Variants in DDAH1 observed in about 807,000 individuals in gnomAD.
The protein encoded by DDAH1 is dimethylarginine dimethylaminohydrolase 1.
Under a neutral mutation model 28.8 loss-of-function variants are expected in DDAH1, and 19 were observed. The ratio of observed to expected loss-of-function variants is 0.66; its 90% CI spans 0.46 to 0.97. The LOEUF is 0.97. DDAH1 is among the 50% of genes least tolerant of loss of function. DDAH1 has a pLI of 0.00. For synonymous variants in DDAH1, 153 were observed against 154.4 expected, an observed-to-expected ratio of 0.99 and a Z score of 0.07; for missense variants, 326 against 375.9, an observed-to-expected ratio of 0.87 and a Z score of 1.10.
chr1:85,464,179 T>C lies in DDAH1; in HGVS notation c.303+564A>G, dbSNP rs531862521. ...AACAAAACACTTTTCCTTCCATTCATTCACTTACTAGTCCCGTTCTTTGGG... is the reference window on the plus strand; with the variant it reads ...AACAAAACACTTTTCCTTCCATTCACTCACTTACTAGTCCCGTTCTTTGGG... On this transcript the variant is annotated intron_variant, in intron 1 of 5. Transcript: ENST00000284031. The surrounding 1 kb of genome is among the most constrained non-coding windows in gnomAD (Gnocchi z 4.4). Among the ~76,000 whole-genome samples, 2 of 152,298 alleles carry C rather than the reference T, an allele frequency of 1.3e-5. No individual in the cohort carries two copies. The highest frequency in any genetic ancestry group is 1.3e-4 in the Admixed American group (2 of 15,300).
intron 2 of DDAH1, among the ~76,000 whole-genome samples, chr1:85,470,686 T>A (rs1259712342): frequency 3.3e-5 from 5 of 152,184 alleles, no homozygotes; most frequent in Non-Finnish European, 7.4e-5. Flanking sequence ...GATTGCCTGT[T>A]ATATCCAAAG....
chr1:85,358,867 T>G lies in DDAH1; in HGVS notation c.304-20A>C, dbSNP rs759737603. 24 of 1,532,120 alleles carry G rather than the reference T, an allele frequency of 1.6e-5. No individual in the cohort carries two copies. In the East Asian group the frequency reaches 5.4e-4, roughly 34 times the overall value. 94.9% of individuals were successfully genotyped at this position (1,532,120 alleles called of 1,614,324 possible). A position where few individuals can be genotyped will look rare whatever the true frequency, so the allele number is the denominator to read the frequency against. On this transcript the variant is annotated intron_variant, in intron 1 of 5. Transcript: ENST00000284031. Reference sequence around the variant, plus strand: ...GTCAACCTGTTGAAAATAAAATGATTCAGATTACTATGCTACAATTTCCTA... The same window carrying G: ...GTCAACCTGTTGAAAATAAAATGATGCAGATTACTATGCTACAATTTCCTA...
At chr1:85,359,883 G>A (rs1335369066) in intron 1 of DDAH1, among the ~76,000 whole-genome samples, 1 of 152,200 alleles carries the variant, frequency 6.6e-6, no homozygotes. Context: ...AGAAATGAAT[G>A]TGAAGCATAA....
chr1:85,455,433 A>C (rs1214348581), intron 1 of DDAH1, among the ~76,000 whole-genome samples: 1 of 152,164 alleles, frequency 6.6e-6, no homozygotes, highest in Non-Finnish European at 1.5e-5. Flanking sequence ...TTAAGTAGGT[A>C]TCTTTTTCTT....
intron 1 of DDAH1, among the ~76,000 whole-genome samples, chr1:85,574,312 CA>C (rs1288821519): frequency 1.3e-5 from 2 of 151,282 alleles, no homozygotes; most frequent in African/African-American, 4.9e-5. Context: ...ATCTTATAGA[CA>C]AGGAAACCTA....
intron 1 of DDAH1, among the ~76,000 whole-genome samples, chr1:85,440,948 C>A (rs946028401): frequency 1.3e-5 from 2 of 152,180 alleles, no homozygotes; most frequent in African/African-American, 4.8e-5. Flanking sequence ...AGGGCAAGTA[C>A]AAAACTCACA....
chr1:85,571,870 A>C (rs1659466420), intron 1 of DDAH1, among the ~76,000 whole-genome samples: 2 of 141,840 alleles, frequency 1.4e-5, no homozygotes, highest in Admixed American at 1.5e-4. Flanking sequence ...TCAGAGAAGC[A>C]CCTGGCACTA....
At chr1:85,397,990 CT>C (rs11296270) in intron 1 of DDAH1, among the ~76,000 whole-genome samples, 69,114 of 144,998 alleles carry the variant, frequency 0.48, 15,923 homozygotes, top group Admixed American at 0.54. Flanking sequence ...AAATAAACCT[CT>C]TTTTTTTTTT....
intron 4 of DDAH1, among the ~76,000 whole-genome samples, chr1:85,330,080 G>T (rs1647667805): frequency 6.6e-6 from 1 of 152,192 alleles, no homozygotes; most frequent in Admixed American, 6.5e-5. Flanking sequence ...CCATTTATTT[G>T]TAGCTGGGTT....
intron 1 of DDAH1, among the ~76,000 whole-genome samples, chr1:85,499,551 T>A (rs1357827398): frequency 6.6e-6 from 1 of 152,066 alleles, no homozygotes; most frequent in Non-Finnish European, 1.5e-5. Flanking sequence ...GGCACATGCC[T>A]GTAATCCCAC....
chr1:85,468,998 A>G (rs1481619443), upstream of DDAH1, among the ~76,000 whole-genome samples: 1 of 152,194 alleles, frequency 6.6e-6, no homozygotes, highest in East Asian at 1.9e-4. Context: ...GTCAAACCAT[A>G]TCACTCACCT....
chr1:85,532,055 T>G (rs1483509519), intron 1 of DDAH1, among the ~76,000 whole-genome samples: 1 of 151,444 alleles, frequency 6.6e-6, no homozygotes, highest in Non-Finnish European at 1.5e-5. Flanking sequence ...GAATGCAATT[T>G]GGGAATCACC....
intron 2 of DDAH1, among the ~76,000 whole-genome samples, chr1:85,476,479 C>G (rs1655809485): frequency 6.6e-6 from 1 of 152,044 alleles, no homozygotes; most frequent in African/African-American, 2.4e-5. Flanking sequence ...TGTTGTTCAG[C>G]CTGACCCCCA....
At chr1:85,491,734 C>T (rs954594876) in intron 2 of DDAH1, among the ~76,000 whole-genome samples, 2 of 152,114 alleles carry the variant, frequency 1.3e-5, no homozygotes, top group African/African-American at 2.4e-5. Flanking sequence ...TTACAAGGTG[C>T]CCAATAAACA....
chr1:85,464,945 T>G lies in DDAH1; in HGVS notation c.101A>C (p.Lys34Thr). ...SLGQHALRSA[K>T]GEEVDVARAE... ...GCGGGCGACGTCCACCTCCTCGCCC[T>G]TGGCGCTTCTCAGCGCGTGCTGGCC... The change falls in exon 1 of 6, where the codon AAG (lysine) becomes ACG (threonine). Residue 34 changes from lysine (K) to threonine (T), a missense_variant. Coordinates refer to ENST00000284031, the MANE Select transcript of DDAH1 (RefSeq NM_012137.4). The surrounding 1 kb of genome is among the most constrained non-coding windows in gnomAD (Gnocchi z 4.4). 6.6e-7 allele frequency: 1 copy of G among 1,516,050 alleles called. No homozygotes were observed. 93.9% of individuals were successfully genotyped at this position (1,516,050 alleles called of 1,614,324 possible).
At chr1:85,374,645 A>G (rs1650562558) in intron 1 of DDAH1, among the ~76,000 whole-genome samples, 1 of 152,138 alleles carries the variant, frequency 6.6e-6, no homozygotes, top group African/African-American at 2.4e-5. Flanking sequence ...GATAACACTT[A>G]CTGTTAATAA....
At position 85,461,345 on chromosome 1, in the gene DDAH1, T is replaced by C. The variant is rs551646425; in HGVS notation, c.303+3398A>G. On this transcript the variant is annotated intron_variant, in intron 1 of 5. Coordinates refer to ENST00000284031, the MANE Select transcript of DDAH1 (RefSeq NM_012137.4). Reference sequence around the variant, plus strand: ...TCCTGCACACAGGGCCTGTGTTTTATTAATCTTTGAGGCCCCATTCAGGCA... The same window carrying C: ...TCCTGCACACAGGGCCTGTGTTTTACTAATCTTTGAGGCCCCATTCAGGCA... Among the ~76,000 whole-genome samples, 11 of 152,330 alleles carry C rather than the reference T, an allele frequency of 7.2e-5. No individual in the cohort carries two copies. The South Asian group carries it at 2.1e-3, about 29-fold the overall frequency.
intron 1 of DDAH1, among the ~76,000 whole-genome samples, chr1:85,535,076 T>G (rs1386714610): frequency 2.6e-5 from 4 of 152,182 alleles, no homozygotes; most frequent in Non-Finnish European, 5.9e-5. Flanking sequence ...ATACACTGCT[T>G]TGTAAAGCAA....
At chr1:85,325,386 T>A (rs1003872930) in intron 4 of DDAH1, among the ~76,000 whole-genome samples, 5 of 152,182 alleles carry the variant, frequency 3.3e-5, no homozygotes, top group African/African-American at 1.2e-4. Flanking sequence ...CACGCTTTGC[T>A]CTTCCACATA....
Sources: gnomAD v4.1 joint callset for allele counts (sites outside exome capture counted in the v4.1 genomes callset) on GRCh38, gnomAD v4.1.1 for gene constraint, Gnocchi (gnomAD v3.1) non-coding constraint, MANE v1.5 for transcripts, NCBI Gene and HGNC (gene_info 2026-07-23, HGNC 2026-07-21) for gene names.